Variants in PRUNE2 observed in about 807,000 individuals in gnomAD.
PRUNE2 encodes the protein prune homolog 2 with BCH domain.
A neutral mutation model predicts 252.0 loss-of-function variants in PRUNE2; 164 were observed. The observed-to-expected ratio is 0.65, with a 90% CI of 0.57 to 0.74. PRUNE2 has a LOEUF of 0.74. Ranked by LOEUF, PRUNE2 falls within the 30% of genes least tolerant of loss-of-function variation. PRUNE2 has a pLI of 0.00. For synonymous variants in PRUNE2, 1,292 were observed against 1,350.2 expected, an observed-to-expected ratio of 0.96 and a Z score of 0.94; for missense variants, 3,495 against 3,711.0, an observed-to-expected ratio of 0.94 and a Z score of 1.51.
At chr9:76,622,694 T>A (rs1183847748) in intron 17 of PRUNE2, among the ~76,000 whole-genome samples, 1 of 152,208 alleles carries the variant, frequency 6.6e-6, no homozygotes, top group Non-Finnish European at 1.5e-5. Flanking sequence ...ACACCAACAC[T>A]CAGTTCCTTG....
At chr9:76,618,511 C>T (rs1372106773) in intron 18 of PRUNE2, among the ~76,000 whole-genome samples, 1 of 152,178 alleles carries the variant, frequency 6.6e-6, no homozygotes, top group Non-Finnish European at 1.5e-5. Context: ...TTGCTGGTGA[C>T]CACAGTTTAT....
chr9:76,693,507 G>A (rs1200684017), intron 9 of PRUNE2, among the ~76,000 whole-genome samples: 3 of 142,974 alleles, frequency 2.1e-5, no homozygotes, highest in Admixed American at 7.3e-5. Flanking sequence ...GCCGTGGTGT[G>A]ATGTCAGCTC....
At chr9:76,630,132 T>A (rs1008026109) in intron 15 of PRUNE2, among the ~76,000 whole-genome samples, 5 of 152,176 alleles carry the variant, frequency 3.3e-5, no homozygotes, top group African/African-American at 1.2e-4. Flanking sequence ...TTTGTCTCTG[T>A]TTACTTATTT....
intron 6 of PRUNE2, among the ~76,000 whole-genome samples, chr9:76,803,018 C>A (rs972315295): frequency 3.9e-5 from 6 of 152,146 alleles, no homozygotes; most frequent in African/African-American, 1.4e-4. Context: ...GTGATAGGAA[C>A]ATAAGCAAAC....
intron 6 of PRUNE2, among the ~76,000 whole-genome samples, chr9:76,755,363 GGA>G (rs564200931): frequency 6.6e-6 from 1 of 152,096 alleles, no homozygotes; most frequent in Non-Finnish European, 1.5e-5. Flanking sequence ...ATAAACCGAT[GGA>G]GAGAGAGAAT....
intron 3 of PRUNE2, among the ~76,000 whole-genome samples, chr9:76,850,054 TTTG>T (rs1360929524): frequency 1.3e-5 from 2 of 152,008 alleles, no homozygotes; most frequent in Middle Eastern, 3.2e-3. Context: ...TTGGGGTTTG[TTTG>T]TTGTTTTTTT....
intron 6 of PRUNE2, chr9:76,782,577 T>A (rs2054534535): frequency 6.6e-6 from 1 of 152,240 alleles, no homozygotes; most frequent in Admixed American, 6.5e-5. Flanking sequence ...CAGCCATATG[T>A]TAAGTTCCAT....
At chr9:76,631,563 G>T (rs1837620586) in intron 15 of PRUNE2, among the ~76,000 whole-genome samples, 1 of 152,158 alleles carries the variant, frequency 6.6e-6, no homozygotes, top group African/African-American at 2.4e-5. Context: ...TCCTGTTATT[G>T]TAACTGTTCA....
chr9:76,642,009 A>G (rs1320298515), intron 12 of PRUNE2: 3 of 1,371,408 alleles, frequency 2.2e-6, no homozygotes, highest in Non-Finnish European at 2.9e-6. Flanking sequence ...AGTAAAAAAA[A>G]AAAAAAAAGA....
At chr9:76,630,369 T>C (rs1837028284) in intron 15 of PRUNE2, among the ~76,000 whole-genome samples, 1 of 152,102 alleles carries the variant, frequency 6.6e-6, no homozygotes, top group African/African-American at 2.4e-5. Context: ...TTCATCTAAA[T>C]GTGTTCGTTT....
intron 6 of PRUNE2, among the ~76,000 whole-genome samples, chr9:76,810,382 A>G (rs137987949): frequency 6.1e-4 from 93 of 152,360 alleles, no homozygotes; most frequent in African/African-American, 1.6e-3. Context: ...GGCTACTATT[A>G]TGTTCATTTG....
intron 1 of PRUNE2, among the ~76,000 whole-genome samples, chr9:76,890,208 C>T (rs1344088258): frequency 1.3e-5 from 2 of 152,182 alleles, no homozygotes; most frequent in Non-Finnish European, 2.9e-5. Context: ...TGATGCCTGT[C>T]TCAGAGGATG....
chr9:76,768,114 G>A (rs1007823234), intron 6 of PRUNE2, among the ~76,000 whole-genome samples: 3 of 152,108 alleles, frequency 2.0e-5, no homozygotes, highest in Non-Finnish European at 4.4e-5. Flanking sequence ...TGCCTGGTGA[G>A]GAGGATCACA....
intron 6 of PRUNE2, among the ~76,000 whole-genome samples, chr9:76,800,471 T>G (rs1174034737): frequency 5.9e-5 from 9 of 152,238 alleles, no homozygotes. Flanking sequence ...AATGAGGTTT[T>G]TAAAATTGTT....
intron 6 of PRUNE2, chr9:76,759,529 A>G (rs1045570244): frequency 3.9e-5 from 6 of 152,470 alleles, no homozygotes; most frequent in African/African-American, 1.4e-4. Context: ...GGAGTGTCTG[A>G]ACATCGAGAG....
chr9:76,645,893 C>A (rs1011619970), intron 11 of PRUNE2, among the ~76,000 whole-genome samples: 1 of 152,152 alleles, frequency 6.6e-6, no homozygotes, highest in African/African-American at 2.4e-5. Flanking sequence ...AATAACAGCA[C>A]TATTGTGTTA....
rs201320387 is a variant in PRUNE2 at position 76,638,322 on chromosome 9, T to C, written c.8729-34A>G. The C allele has an allele frequency of 2.3e-4, 324 of 1,431,022 alleles. 1 individual carries two copies. In the Middle Eastern group the frequency reaches 3.2e-3, roughly 14 times the overall value. The allele number at this position is 1,431,022 out of a possible 1,614,324, so 88.6% of individuals were successfully genotyped here. ...CAAACAAAAAGACACTTGTAACCAATTGAAAGCTCTTAACAAGGTAATATC... is the reference window on the plus strand; with the variant it reads ...CAAACAAAAAGACACTTGTAACCAACTGAAAGCTCTTAACAAGGTAATATC... On this transcript the variant is annotated intron_variant, in intron 12 of 18. Transcript: ENST00000376718.
chr9:76,813,043 C>T (rs1366652055), intron 6 of PRUNE2, among the ~76,000 whole-genome samples: 3 of 152,184 alleles, frequency 2.0e-5, no homozygotes, highest in Admixed American at 2.0e-4. Flanking sequence ...TCATTTACAT[C>T]TGTACAGTAG....
chr9:76,763,793 G>T (rs555670281), intron 6 of PRUNE2, among the ~76,000 whole-genome samples: 1 of 152,194 alleles, frequency 6.6e-6, no homozygotes, highest in Non-Finnish European at 1.5e-5. Flanking sequence ...TGGGATAAAG[G>T]GCATGGGGAA....
Sources: allele counts gnomAD v4.1 joint callset (sites outside exome capture counted in the v4.1 genomes callset), GRCh38; gene constraint gnomAD v4.1.1; transcripts MANE v1.5; gene names NCBI Gene and HGNC (gene_info 2026-07-23, HGNC 2026-07-21).